Variants in CADM1 observed in about 807,000 individuals in gnomAD.
CADM1 encodes TSLC-1.
Under a neutral mutation model 53.1 loss-of-function variants are expected in CADM1, and 15 were observed. The ratio of observed to expected loss-of-function variants is 0.28; its 90% CI spans 0.19 to 0.44. The LOEUF (loss-of-function observed/expected upper bound fraction) is 0.44, where lower values mean the gene tolerates loss of function less well. CADM1 is among the 20% of genes least tolerant of loss of function. The probability of loss-of-function intolerance (pLI) is 1.00; values close to 1 mark genes in which losing one functional copy is unlikely to be tolerated. For missense variants in CADM1, 434 were observed against 611.3 expected (o/e 0.71, Z 3.06); for synonymous variants, 281 against 243.0 (o/e 1.16, Z -1.45).
intron 1 of CADM1, among the ~76,000 whole-genome samples, chr11:115,453,254 G>A (rs891437700): frequency 6.6e-6 from 1 of 151,982 alleles, no homozygotes; most frequent in African/African-American, 2.4e-5. Context: ...GTGCATGCCT[G>A]TAGTCTTAGC....
At chr11:115,398,487 G>A (rs892348862) in intron 1 of CADM1, among the ~76,000 whole-genome samples, 2 of 152,052 alleles carry the variant, frequency 1.3e-5, no homozygotes, top group Admixed American at 6.6e-5. Flanking sequence ...TCTCTTCCAC[G>A]TTCCAAACCA....
At chr11:115,440,051 G>A (rs564102812) in intron 1 of CADM1, among the ~76,000 whole-genome samples, 12 of 152,186 alleles carry the variant, frequency 7.9e-5, no homozygotes, top group African/African-American at 2.2e-4. Context: ...TATTCTACCC[G>A]TTTATACTCA....
At chr11:115,444,927 AG>A (rs1355972115) in intron 1 of CADM1, among the ~76,000 whole-genome samples, 1 of 152,152 alleles carries the variant, frequency 6.6e-6, no homozygotes, top group Non-Finnish European at 1.5e-5. Context: ...ACATATTTGC[AG>A]GGGGCAGGCA....
At chr11:115,451,773 G>A (rs191050068) in intron 1 of CADM1, among the ~76,000 whole-genome samples, 94 of 152,198 alleles carry the variant, frequency 6.2e-4, no homozygotes, top group African/African-American at 2.1e-3. Context: ...TAACCAGCCT[G>A]GGCTTCTTTC....
chr11:115,362,366 T>C (rs1347070557), intron 1 of CADM1, among the ~76,000 whole-genome samples: 1 of 152,206 alleles, frequency 6.6e-6, no homozygotes, highest in African/African-American at 2.4e-5. Context: ...TGTACCTTGA[T>C]ATCAGAAAAC....
intron 1 of CADM1, among the ~76,000 whole-genome samples, chr11:115,408,129 C>T (rs1257610854): frequency 6.6e-6 from 1 of 151,820 alleles, no homozygotes; most frequent in Admixed American, 6.6e-5. Flanking sequence ...TAAAAAAAAA[C>T]TCTAAAGGAG....
rs201998212 is a variant in CADM1, at chr11:115,374,349, C to T, written c.124+129922G>A. Reference sequence around the variant, plus strand: ...AAAATAATACTAAAGCAAAACAAAACTTTCATAAATACCTTTGAAGGGTGC... The same window carrying T: ...AAAATAATACTAAAGCAAAACAAAATTTTCATAAATACCTTTGAAGGGTGC... On this transcript the variant is annotated intron_variant, in intron 1 of 11. Transcript: ENST00000331581. Among the ~76,000 whole-genome samples, 112 of 152,242 alleles carry T rather than the reference C, an allele frequency of 7.4e-4. No homozygotes were observed. In the East Asian group the frequency reaches 0.02, roughly 27 times the overall value.
At chr11:115,380,405 C>T (rs574670294) in intron 1 of CADM1, among the ~76,000 whole-genome samples, 20 of 152,080 alleles carry the variant, frequency 1.3e-4, no homozygotes, top group Non-Finnish European at 1.9e-4. Context: ...CATCAGTGTA[C>T]GTGATCCCAT....
chr11:115,496,057 T>C (rs1345351301), intron 1 of CADM1, among the ~76,000 whole-genome samples: 2 of 152,256 alleles, frequency 1.3e-5, no homozygotes, highest in Non-Finnish European at 1.5e-5. Context: ...ATTTTCATGC[T>C]GTAGGAAATC....
chr11:115,496,895 A>C (rs1378064560), intron 1 of CADM1, among the ~76,000 whole-genome samples: 1 of 152,176 alleles, frequency 6.6e-6, no homozygotes, highest in East Asian at 1.9e-4. Flanking sequence ...GTTGATACCT[A>C]CTGCAAAAAG....
chr11:115,492,961 A>ACC (rs745860168), intron 1 of CADM1, among the ~76,000 whole-genome samples: 8 of 149,482 alleles, frequency 5.4e-5, no homozygotes, highest in East Asian at 1.9e-4. Context: ...ACACACACAC[A>ACC]CCCTTGTTTG....
chr11:115,431,284 A>T (rs1948042410), intron 1 of CADM1, among the ~76,000 whole-genome samples: 1 of 152,114 alleles, frequency 6.6e-6, no homozygotes, highest in African/African-American at 2.4e-5. Flanking sequence ...TCTTCTTCTT[A>T]ACGGCCCATA....
At chr11:115,295,469 G>A (rs534476551) in intron 1 of CADM1, among the ~76,000 whole-genome samples, 7 of 137,750 alleles carry the variant, frequency 5.1e-5, no homozygotes, top group South Asian at 2.4e-4. Flanking sequence ...ACTCTCTGCC[G>A]TCTGCAATCC....
At chr11:115,434,823 A>T (rs948347058) in intron 1 of CADM1, among the ~76,000 whole-genome samples, 70 of 150,878 alleles carry the variant, frequency 4.6e-4, no homozygotes, top group African/African-American at 1.7e-3. Context: ...TGACAATTGT[A>T]TCAGTTCTCT....
intron 1 of CADM1, among the ~76,000 whole-genome samples, chr11:115,383,200 A>G (rs1057413067): frequency 6.6e-6 from 1 of 152,256 alleles, no homozygotes; most frequent in Non-Finnish European, 1.5e-5. Context: ...TTAGATAAAT[A>G]AACAGGTAGA....
At chr11:115,240,105 C>T (rs547521226) in intron 2 of CADM1, among the ~76,000 whole-genome samples, 169 bp downstream of exon 2, 4 of 152,146 alleles carry the variant, frequency 2.6e-5, no homozygotes. Flanking sequence ...TTCAAGGTTT[C>T]TATTAAGTAG....
At chr11:115,428,630 T>C (rs1240562774) in intron 1 of CADM1, among the ~76,000 whole-genome samples, 1 of 152,188 alleles carries the variant, frequency 6.6e-6, no homozygotes, top group East Asian at 1.9e-4. Context: ...AGCCTTGCAA[T>C]TGTCTATAAG....
intron 1 of CADM1, 71 bp downstream of exon 1, chr11:115,504,200 C>G (rs1358419755): frequency 6.5e-7 from 1 of 1,549,132 alleles, no homozygotes; most frequent in African/African-American, 1.4e-5. Flanking sequence ...AAACGTTTCC[C>G]CCCTCTGTGG....
chr11:115,490,243 G>A (rs1949462656), intron 1 of CADM1, among the ~76,000 whole-genome samples: 1 of 152,086 alleles, frequency 6.6e-6, no homozygotes, highest in Non-Finnish European at 1.5e-5. Context: ...ATGAAGACAG[G>A]CAGGACCTAT....
Sources: gnomAD v4.1 joint callset for allele counts (sites outside exome capture counted in the v4.1 genomes callset) on GRCh38, gnomAD v4.1.1 for gene constraint, MANE v1.5 for transcripts, NCBI Gene and HGNC (gene_info 2026-07-23, HGNC 2026-07-21) for gene names.